The following VTI1A variants were observed in gnomAD, a reference collection of about 807,000 sequenced individuals.
The protein encoded by VTI1A is vesicle transport through interaction with t-SNAREs 1A.
Under a neutral mutation model 34.9 loss-of-function variants are expected in VTI1A, and 22 were observed. The observed-to-expected ratio is 0.63, with a 90% confidence interval of 0.45 to 0.90. The LOEUF is 0.90. VTI1A is among the 40% of genes least tolerant of loss of function. The pLI is 0.00. For missense variants in VTI1A, 268 were observed against 275.6 expected, an observed-to-expected ratio of 0.97 and a Z score of 0.20; for synonymous variants, 87 against 97.3, an observed-to-expected ratio of 0.89 and a Z score of 0.62.
chr10:112,713,395 A>G (rs1403021447), intron 7 of VTI1A, among the ~76,000 whole-genome samples: 14 of 152,352 alleles, frequency 9.2e-5, no homozygotes, highest in Non-Finnish European at 7.3e-5. Context: ...GGGTACTTAA[A>G]TGCTAACTGC....
rs1236878093 is a variant in VTI1A at position 112,726,477 on chromosome 10, C to A, written c.560+57479C>A. On this transcript the variant is annotated intron_variant, in intron 7 of 7. Transcript: ENST00000393077. ...TGCTTTGAAACACCATGGAAACAGG[C>A]AGTCCTGGCCCCAGACCCAGGAAGG... is the stretch of plus-strand genomic sequence containing the variant. Among the ~76,000 whole-genome samples, 5 of 152,160 alleles carry A rather than the reference C, an allele frequency of 3.3e-5. No homozygotes were observed. In the East Asian group the frequency reaches 9.6e-4, roughly 29 times the overall value.
intron 5 of VTI1A, among the ~76,000 whole-genome samples, chr10:112,583,947 C>T (rs1361343960): frequency 6.6e-6 from 1 of 152,158 alleles, no homozygotes. Context: ...TTTTTTCTCC[C>T]AGAATACCCA....
intron 7 of VTI1A, among the ~76,000 whole-genome samples, chr10:112,701,590 G>A (rs545299510): frequency 6.6e-6 from 1 of 152,278 alleles, no homozygotes; most frequent in Non-Finnish European, 1.5e-5. Flanking sequence ...CTCTAAGCAC[G>A]AAATCCTCAG....
intron 5 of VTI1A, among the ~76,000 whole-genome samples, chr10:112,620,046 A>G (rs550350668): frequency 1.2e-4 from 19 of 152,340 alleles, no homozygotes; most frequent in South Asian, 6.2e-4. Flanking sequence ...TATTTCTGGC[A>G]ACAGTCTGGA....
At chr10:112,736,134 T>TA (rs1850458971) in intron 7 of VTI1A, among the ~76,000 whole-genome samples, 1 of 146,140 alleles carries the variant, frequency 6.8e-6, no homozygotes, top group Non-Finnish European at 1.5e-5. Context: ...TATATATATA[T>TA]ATATGTAAAT....
At chr10:112,518,291 A>T (rs925857336) in intron 3 of VTI1A, among the ~76,000 whole-genome samples, 10 of 152,144 alleles carry the variant, frequency 6.6e-5, no homozygotes, top group African/African-American at 1.9e-4. Flanking sequence ...GAGCGGTAGG[A>T]TATAAATAAC....
chr10:112,830,845 A>ATTTTTTTTTTTTTTTTTT, the VTI1A span, among the ~76,000 whole-genome samples: 1 of 42,032 alleles, frequency 2.4e-5, no homozygotes, highest in African/African-American at 1.0e-4. Flanking sequence ...ATATATATAT[A>ATTTTTTTTTTTTTTTTTT]TATATTTTTT....
chr10:112,833,012 T>C, the VTI1A span, among the ~76,000 whole-genome samples: 2 of 152,252 alleles, frequency 1.3e-5, no homozygotes, highest in East Asian at 1.9e-4. Context: ...AATTAATCGA[T>C]AGCAGAGTCC....
chr10:112,809,590 G>T (rs534046835), intron 7 of VTI1A, among the ~76,000 whole-genome samples: 1 of 152,198 alleles, frequency 6.6e-6, no homozygotes, highest in African/African-American at 2.4e-5. Flanking sequence ...TTGGGACTCC[G>T]CTGGCATCCT....
intron 5 of VTI1A, among the ~76,000 whole-genome samples, chr10:112,556,765 C>A (rs2134316642): frequency 6.6e-6 from 1 of 151,908 alleles, no homozygotes; most frequent in South Asian, 2.1e-4. Context: ...GCGATGAATG[C>A]CTTCTAGGAC....
intron 5 of VTI1A, among the ~76,000 whole-genome samples, chr10:112,597,309 C>T (rs1844689591): frequency 6.6e-6 from 1 of 152,146 alleles, no homozygotes. Context: ...CCTCCGCCTC[C>T]TGGGTTCAAG....
intron 4 of VTI1A, 132 bp downstream of exon 4, chr10:112,527,296 G>A: frequency 3.1e-6 from 2 of 637,092 alleles, no homozygotes; most frequent in East Asian, 2.9e-5. Flanking sequence ...TTAATGCAAA[G>A]CTGGAGTCTT....
chr10:112,457,164 G>A (rs1190249448), intron 1 of VTI1A, among the ~76,000 whole-genome samples: 1 of 152,078 alleles, frequency 6.6e-6, no homozygotes, highest in African/African-American at 2.4e-5. Flanking sequence ...AAGGATGCTC[G>A]GCTCTGAAAT....
At chr10:112,648,960 C>T (rs1394128993) in intron 5 of VTI1A, among the ~76,000 whole-genome samples, 2 of 152,064 alleles carry the variant, frequency 1.3e-5, no homozygotes, top group Non-Finnish European at 2.9e-5. Flanking sequence ...TGTGTATTAA[C>T]AAATATTTTA....
intron 3 of VTI1A, among the ~76,000 whole-genome samples, chr10:112,467,402 T>C (rs1054941830): frequency 6.6e-6 from 1 of 152,140 alleles, no homozygotes; most frequent in African/African-American, 2.4e-5. Flanking sequence ...CTGGGCCACA[T>C]TGGAAGAAGA....
At position 112,710,655 on chromosome 10, in the gene VTI1A, T is replaced by C. The variant is rs533750470; in HGVS notation, c.560+41657T>C. ...TGTCCAAAGAGAGGCCACTTCCAAG[T>C]TGGGGTTTACTCTGAGCTCATGCTT... On this transcript the variant is annotated intron_variant, in intron 7 of 7. Coordinates refer to ENST00000393077, the MANE Select transcript of VTI1A (RefSeq NM_145206.4). 1.8e-4 allele frequency among the ~76,000 whole-genome samples: 27 copies of C among 151,706 alleles called. 1 individual carries two copies. In the South Asian group the frequency reaches 5.6e-3, roughly 32 times the overall value.
chr10:112,639,155 G>A (rs1439931035), intron 5 of VTI1A, among the ~76,000 whole-genome samples: 2 of 152,096 alleles, frequency 1.3e-5, no homozygotes, highest in African/African-American at 2.4e-5. Flanking sequence ...AACTGTGAAA[G>A]TCTCTTAATT....
chr10:112,775,363 A>G (rs147585669), intron 7 of VTI1A, among the ~76,000 whole-genome samples: 10 of 152,322 alleles, frequency 6.6e-5, no homozygotes, highest in Non-Finnish European at 7.3e-5. Flanking sequence ...GTTTAATTCA[A>G]TGTGTCTTAA....
intron 5 of VTI1A, among the ~76,000 whole-genome samples, chr10:112,596,395 C>T (rs569957960): frequency 3.0e-4 from 45 of 152,048 alleles, no homozygotes; most frequent in Non-Finnish European, 4.6e-4. Context: ...AAAACATTAA[C>T]GGCTGTCTAC....
Sources: gnomAD v4.1 joint callset for allele counts (sites outside exome capture counted in the v4.1 genomes callset) on GRCh38, gnomAD v4.1.1 for gene constraint, MANE v1.5 for transcripts, NCBI Gene and HGNC (gene_info 2026-07-23, HGNC 2026-07-21) for gene names.